XIRP2: variants seen among roughly 807,000 people sequenced by gnomAD.
The protein encoded by XIRP2 is xin actin-binding repeat-containing protein 2.
In XIRP2, 236 loss-of-function variants were observed where a neutral mutation model predicts 277.0. That is an observed-to-expected ratio of 0.85 (90% CI 0.77 to 0.95). The LOEUF is 0.95. Among genes scored for constraint, XIRP2 ranks in the 40% least tolerant of loss-of-function variants. XIRP2 has a pLI of 0.00. For synonymous variants in XIRP2, 1,490 were observed against 1,416.5 expected, an observed-to-expected ratio of 1.05 and a Z score of -1.17; for missense variants, 4,640 against 4,157.5, an observed-to-expected ratio of 1.12 and a Z score of -3.19.
chr2:167,079,253 G>A (rs1220518857), intron 2 of XIRP2, among the ~76,000 whole-genome samples: 1 of 152,072 alleles, frequency 6.6e-6, no homozygotes, highest in African/African-American at 2.4e-5. Flanking sequence ...TGCTGGATTT[G>A]GTTTACTAAT....
intron 1 of XIRP2, among the ~76,000 whole-genome samples, chr2:166,902,612 G>A (rs970368563): frequency 6.6e-6 from 1 of 152,008 alleles, no homozygotes; most frequent in Admixed American, 6.6e-5. Flanking sequence ...GTGTGTGTGT[G>A]TGTTTGTGTT....
chr2:167,237,213 G>T (rs574266637), intron 5 of XIRP2, among the ~76,000 whole-genome samples: 1 of 152,302 alleles, frequency 6.6e-6, no homozygotes, highest in South Asian at 2.1e-4. Context: ...GATAGGCATA[G>T]ATTGTTTTTA....
chr2:167,065,684 C>T (rs1167550655), intron 2 of XIRP2, among the ~76,000 whole-genome samples: 1 of 151,812 alleles, frequency 6.6e-6, no homozygotes, highest in Non-Finnish European at 1.5e-5. Context: ...ATTTCGGGCT[C>T]ATTTTATTTC....
Position 167,244,022 on chromosome 2 carries a change from A to T in XIRP2, c.2630A>T (p.His877Leu). 3 of 1,613,992 alleles carry T rather than the reference A, an allele frequency of 1.9e-6. No homozygotes were observed. Among genetic ancestry groups the T allele is most frequent in the Non-Finnish European group, 2.5e-6 (3 of 1,179,938 alleles). The part of the protein sequence containing the change: ...IIGGDVQTTK[H>L]LFETLPIEAL... ...GGTGGTGATGTACAAACTACTAAGC[A>T]TCTATTTGAAACACTTCCAATTGAA... Residue 877 changes from histidine to leucine, a missense_variant, in exon 9 of 11, where the codon CAT becomes CTT. Physicochemically the swap from His to Leu is moderately conservative, Grantham distance 99 (BLOSUM62 -3). Coordinates refer to ENST00000409195, the MANE Select transcript of XIRP2 (RefSeq NM_152381.6).
At chr2:166,924,156 A>G (rs1685126405) in intron 2 of XIRP2, among the ~76,000 whole-genome samples, 1 of 152,004 alleles carries the variant, frequency 6.6e-6, no homozygotes, top group Admixed American at 6.6e-5. Context: ...GCTCATCGGG[A>G]ATACATTAGG....
rs781223920 is a variant in XIRP2 at position 167,246,943 on chromosome 2, G to A, written c.5551G>A (p.Ala1851Thr). 6.2e-7 allele frequency: 1 copy of A among 1,613,394 alleles called. No individual in the cohort carries two copies. The highest frequency in any genetic ancestry group is 1.1e-5 in the South Asian group (1 of 91,056). The change falls in exon 9 of 11, where the codon GCT (alanine) becomes ACT (threonine). Residue 1851 changes from alanine (A) to threonine (T), a missense_variant. By Grantham distance (58) the Ala-to-Thr change is moderately conservative (BLOSUM62 0). Coordinates refer to ENST00000409195, the MANE Select transcript of XIRP2 (RefSeq NM_152381.6). ...ATCAACCCTAAATTCCCTCAGCCAGGCTGTAAATCAGAAAACAGTGACGAA... is the reference window on the plus strand; with the variant it reads ...ATCAACCCTAAATTCCCTCAGCCAGACTGTAAATCAGAAAACAGTGACGAA... ...LTSTLNSLSQ[A>T]VNQKTVTKTE...
intron 1 of XIRP2, among the ~76,000 whole-genome samples, chr2:166,900,974 A>C (rs1684373240): frequency 6.6e-6 from 1 of 152,138 alleles, no homozygotes; most frequent in African/African-American, 2.4e-5. Flanking sequence ...GTCTTCTCTA[A>C]TATGAAAGTA....
intron 2 of XIRP2, among the ~76,000 whole-genome samples, chr2:166,943,279 T>A (rs1048491412): frequency 6.6e-6 from 1 of 152,226 alleles, no homozygotes; most frequent in African/African-American, 2.4e-5. Flanking sequence ...ATAATCCATT[T>A]TTAATTTTAA....
intron 5 of XIRP2, among the ~76,000 whole-genome samples, chr2:167,234,446 T>C (rs1694845203): frequency 6.6e-6 from 1 of 151,070 alleles, no homozygotes; most frequent in Non-Finnish European, 1.5e-5. Context: ...ATCACAGGAA[T>C]GTATTAAACA....
intron 1 of XIRP2, among the ~76,000 whole-genome samples, chr2:166,901,239 C>G (rs1294112468): frequency 5.9e-5 from 9 of 152,042 alleles, no homozygotes; most frequent in Non-Finnish European, 1.3e-4. Context: ...TTCCCACCAC[C>G]AGTTCTTTAT....
intron 2 of XIRP2, among the ~76,000 whole-genome samples, chr2:167,110,773 T>G (rs1690729279): frequency 6.6e-6 from 1 of 152,222 alleles, no homozygotes; most frequent in Non-Finnish European, 1.5e-5. Flanking sequence ...AGTATAGCTA[T>G]TTTAATGATA....
intron 3 of XIRP2, chr2:167,187,578 A>G (rs1159919760): frequency 2.0e-6 from 2 of 981,498 alleles, no homozygotes; most frequent in Non-Finnish European, 2.4e-6. Context: ...CCTGGATTGT[A>G]AAATGTTCTC....
At chr2:167,168,198 T>A (rs2105346626) in intron 3 of XIRP2, among the ~76,000 whole-genome samples, 1 of 152,332 alleles carries the variant, frequency 6.6e-6, no homozygotes, top group Admixed American at 6.5e-5. Flanking sequence ...AGTTTAAAAA[T>A]AATATGACTA....
chr2:167,056,843 C>A (rs1044984470), intron 2 of XIRP2, among the ~76,000 whole-genome samples: 1 of 152,048 alleles, frequency 6.6e-6, no homozygotes, highest in Non-Finnish European at 1.5e-5. Context: ...ATATTATATT[C>A]TCTTATAAAG....
chr2:167,014,873 G>C (rs1170660347), intron 2 of XIRP2, among the ~76,000 whole-genome samples: 2 of 151,734 alleles, frequency 1.3e-5, no homozygotes, highest in Non-Finnish European at 2.9e-5. Flanking sequence ...ATAAGTAATG[G>C]GGCTGGGATT....
chr2:166,943,530 C>T lies in XIRP2; in HGVS notation c.408+39640C>T, dbSNP rs571406901. Among the ~76,000 whole-genome samples, 22 of 152,300 alleles carry T rather than the reference C, an allele frequency of 1.4e-4. No homozygotes were observed. The South Asian group carries it at 4.1e-3, about 29-fold the overall frequency. ...ACTCGTCTTCATATACATTTTACTTCATGTGGCAAACAATGCCTTTCTACT... is the reference window on the plus strand; with the variant it reads ...ACTCGTCTTCATATACATTTTACTTTATGTGGCAAACAATGCCTTTCTACT... On this transcript the variant is annotated intron_variant, in intron 2 of 10. Coordinates refer to ENST00000409195, the MANE Select transcript of XIRP2 (RefSeq NM_152381.6).
chr2:167,022,593 TC>T (rs1159431670), intron 2 of XIRP2, among the ~76,000 whole-genome samples: 5 of 150,752 alleles, frequency 3.3e-5, no homozygotes, highest in South Asian at 2.1e-4. Context: ...ATGCTATCCC[TC>T]CCCCCTACCC....
chr2:167,010,007 T>C (rs189427244), intron 2 of XIRP2, among the ~76,000 whole-genome samples: 5,536 of 152,064 alleles, frequency 0.036, 116 homozygotes, highest in East Asian at 0.06. Context: ...TTCTCCCATT[T>C]TGTAGGTTGC....
At chr2:166,931,316 T>A (rs542697777) in intron 2 of XIRP2, among the ~76,000 whole-genome samples, 13 of 152,280 alleles carry the variant, frequency 8.5e-5, no homozygotes, top group Non-Finnish European at 1.2e-4. Flanking sequence ...ACACATTTCA[T>A]GTGTGCAGCT....
Sources: gnomAD v4.1 joint callset for allele counts (sites outside exome capture counted in the v4.1 genomes callset) on GRCh38, gnomAD v4.1.1 for gene constraint, MANE v1.5 for transcripts, NCBI Gene and HGNC (gene_info 2026-07-23, HGNC 2026-07-21) for gene names.